The following CERKL variants were observed in gnomAD, a reference collection of about 807,000 sequenced individuals.
CERKL encodes the protein CERK like autophagy regulator, also known as ceramide kinase-like protein.
CERKL carries 61 observed loss-of-function variants against 63.4 expected under a neutral mutation model. The observed-to-expected ratio is 0.96, with a 90% CI of 0.78 to 1.19. The LOEUF is 1.19. Ranked by LOEUF, CERKL falls within the 50% of genes most tolerant of loss-of-function variation. The probability of loss-of-function intolerance (pLI) is 0.00; values close to 1 mark genes in which losing one functional copy is unlikely to be tolerated. For missense variants in CERKL, 675 were observed against 655.5 expected, an observed-to-expected ratio of 1.03 and a Z score of -0.33; for synonymous variants, 250 against 230.5, an observed-to-expected ratio of 1.08 and a Z score of -0.77.
At chr2:181,572,761 G>T (rs1688961642) in intron 3 of CERKL, among the ~76,000 whole-genome samples, 1 of 146,134 alleles carries the variant, frequency 6.8e-6, no homozygotes, top group Non-Finnish European at 1.5e-5. Context: ...CATGGGGGCT[G>T]ACCTTCCTAC....
At chr2:181,594,658 A>G (rs1685126535) in intron 2 of CERKL, among the ~76,000 whole-genome samples, 1 of 152,242 alleles carries the variant, frequency 6.6e-6, no homozygotes, top group South Asian at 2.1e-4. Context: ...TAAAAACAGA[A>G]AGTGAACTTC....
At chr2:181,590,107 C>T (rs938049771) in intron 2 of CERKL, among the ~76,000 whole-genome samples, 1 of 151,896 alleles carries the variant, frequency 6.6e-6, no homozygotes, top group Non-Finnish European at 1.5e-5. Context: ...CAGGAATGAG[C>T]CACTGCACCT....
chr2:181,538,084 A>T lies in CERKL; in HGVS notation c.*100T>A. ...CCACGGAAAAATTGTCTTCCATGAAACTGGTCCCAAAAAGGGTGGGGACCA... is the reference window on the plus strand; with the variant it reads ...CCACGGAAAAATTGTCTTCCATGAATCTGGTCCCAAAAAGGGTGGGGACCA... On this transcript the variant is annotated 3_prime_UTR_variant, in exon 13 of 13. Coordinates refer to ENST00000410087, the MANE Select transcript of CERKL (RefSeq NM_201548.5). 1.3e-6 allele frequency: 1 copy of T among 786,066 alleles called. No homozygotes were observed. Among genetic ancestry groups the T allele is most frequent in the Non-Finnish European group, 2.3e-6 (1 of 443,914 alleles). The allele number at this position is 786,066 out of a possible 1,614,324, so 48.7% of individuals were successfully genotyped here.
intron 1 of CERKL, among the ~76,000 whole-genome samples, chr2:181,629,423 G>C (rs1686854144): frequency 6.6e-6 from 1 of 152,166 alleles, no homozygotes; most frequent in African/African-American, 2.4e-5. Context: ...AGCCACCTAA[G>C]TCAATGTTCT....
At chr2:181,599,648 T>C (rs1685374379) in intron 2 of CERKL, among the ~76,000 whole-genome samples, 1 of 151,994 alleles carries the variant, frequency 6.6e-6, no homozygotes, top group African/African-American at 2.4e-5. Context: ...TTAACCCAGT[T>C]AGACAAACAT....
chr2:181,647,224 C>A (rs950097492), intron 1 of CERKL, among the ~76,000 whole-genome samples: 6 of 152,172 alleles, frequency 3.9e-5, no homozygotes, highest in African/African-American at 1.4e-4. Context: ...TGGAAAAGGT[C>A]TAGAAAGTCT....
rs749489363 is a variant in CERKL, at chr2:181,565,457, G to A, written c.677+601C>T. On this transcript the variant is annotated intron_variant, in intron 4 of 12. Transcript: ENST00000410087. ...CCTTGGTTCTAACGTTTGCATGCCAGTGAACAATCTCTGTACACTCCAATG... is the reference window on the plus strand; with the variant it reads ...CCTTGGTTCTAACGTTTGCATGCCAATGAACAATCTCTGTACACTCCAATG... 4.3e-6 allele frequency: 7 copies of A among 1,612,400 alleles called. 1 individual carries two copies. The South Asian group carries it at 6.6e-5, about 15-fold the overall frequency.
intron 1 of CERKL, among the ~76,000 whole-genome samples, chr2:181,641,736 C>A (rs1214802338): frequency 6.6e-6 from 1 of 152,088 alleles, no homozygotes; most frequent in South Asian, 2.1e-4. Context: ...TTGCTACATG[C>A]AGTTATTGAA....
Position 181,656,786 on chromosome 2 carries a change from T to C in CERKL, c.221A>G (p.Gln74Arg), listed in dbSNP as rs1165859881. ...GCACTCACCCGCCGGGCGCTCGGGC[T>C]GAATGGGCCGCCACCGCAGTGCTCG... ...SERALRWRPI[Q>R]PERPAGDSKY... Residue 74 changes from glutamine to arginine, a missense_variant, in exon 1 of 13, where the codon CAG (glutamine) becomes CGG (arginine). By Grantham distance (43) the Gln-to-Arg change is conservative. Coordinates refer to ENST00000410087, the MANE Select transcript of CERKL (RefSeq NM_201548.5). The C allele has an allele frequency of 6.3e-7, 1 of 1,597,488 alleles. No individual in the cohort carries two copies.
chr2:181,635,649 T>G (rs1687147844), intron 1 of CERKL, among the ~76,000 whole-genome samples: 1 of 152,168 alleles, frequency 6.6e-6, no homozygotes, highest in Non-Finnish European at 1.5e-5. Flanking sequence ...CCTGCACAGA[T>G]GGACACTAAA....
At chr2:181,543,983 C>CAAAAA (rs11450338) in intron 11 of CERKL, among the ~76,000 whole-genome samples, 6 of 118,190 alleles carry the variant, frequency 5.1e-5, no homozygotes, top group African/African-American at 1.3e-4. Flanking sequence ...GGCTCTAACT[C>CAAAAA]AAAAAAAAAA....
chr2:181,537,070 C>CTGAACCCAGA lies in CERKL; in HGVS notation c.*1104_*1113dup, dbSNP rs1687160035. On this transcript the variant is annotated 3_prime_UTR_variant, in exon 13 of 13. Transcript: ENST00000410087. ...TAGTGAAATGTAAGCACAAAACCTC[C>CTGAACCCAGA]TGAACCCAGAGTGTGTATACACAGG... 1 of 445,738 alleles carries CTGAACCCAGA rather than the reference C, an allele frequency of 2.2e-6. No individual in the cohort carries two copies. 27.6% of individuals were successfully genotyped at this position (445,738 alleles called of 1,614,324 possible).
chr2:181,627,417 G>GA (rs1350498904), intron 1 of CERKL, among the ~76,000 whole-genome samples: 1 of 152,230 alleles, frequency 6.6e-6, no homozygotes, highest in Non-Finnish European at 1.5e-5. Context: ...AGAGCAAGAA[G>GA]AAAAAATTAC....
Position 181,584,350 on chromosome 2 carries a change from GAAAA to G in CERKL, c.482-10470_482-10467del, listed in dbSNP as rs112462086. On this transcript the variant is annotated intron_variant, in intron 2 of 12. Transcript: ENST00000410087. ...AACACAGAGAGATATTGTCTCTACA[GAAAA>G]AAAAAAAGTTGGCTGGATACAGTGG... Among the ~76,000 whole-genome samples, 24 of 146,808 alleles carry G rather than the reference GAAAA, an allele frequency of 1.6e-4. No individual in the cohort carries two copies. The East Asian group carries it at 2.2e-3, about 13-fold the overall frequency.
At chr2:181,637,345 C>T (rs1301406699) in intron 1 of CERKL, among the ~76,000 whole-genome samples, 1 of 152,042 alleles carries the variant, frequency 6.6e-6, no homozygotes, top group African/African-American at 2.4e-5. Context: ...TTTTATTAAA[C>T]CACTATTTGC....
In CERKL at chr2:181,573,758, A is replaced by G; in HGVS notation, c.608T>C (p.Val203Ala). The G allele has an allele frequency of 4.3e-6, 7 of 1,611,830 alleles. No individual in the cohort carries two copies. In the South Asian group the frequency reaches 4.4e-5, roughly 10 times the overall value. ...ATATTCTGAAAATTACTTACTTGTTACATCAGTTTTTATTCCTGCAAGCTT... is the reference window on the plus strand; with the variant it reads ...ATATTCTGAAAATTACTTACTTGTTGCATCAGTTTTTATTCCTGCAAGCTT... ...LLKLAGIKTD[V>A]TIMEYEGHAL... The change falls in exon 3 of 13, where the codon GTA becomes GCA. Residue 203 changes from valine (V) to alanine (A), a missense_variant. Val to Ala is a moderately conservative substitution (Grantham distance 64). Coordinates refer to ENST00000410087, the MANE Select transcript of CERKL (RefSeq NM_201548.5).
intron 1 of CERKL, among the ~76,000 whole-genome samples, chr2:181,611,987 T>A (rs190154573): frequency 6.6e-4 from 101 of 152,328 alleles, no homozygotes; most frequent in African/African-American, 2.0e-3. Flanking sequence ...AAAATAAGGG[T>A]AGCTAATAAT....
In CERKL at chr2:181,547,807, T is replaced by A. The variant is rs778400039; in HGVS notation, c.1159+15A>T. 1.2e-6 allele frequency: 2 copies of A among 1,613,914 alleles called. No individual in the cohort carries two copies. Among genetic ancestry groups the A allele is most frequent in the South Asian group, 1.1e-5 (1 of 91,080 alleles). On this transcript the variant is annotated intron_variant, in intron 9 of 12. Transcript: ENST00000410087. Reference sequence around the variant, plus strand: ...GAACCTGGCACAGTTCTCAAGGAGATACTTTTCGACTCACCAGATTTGGGA... The same window carrying A: ...GAACCTGGCACAGTTCTCAAGGAGAAACTTTTCGACTCACCAGATTTGGGA...
chr2:181,589,324 G>T (rs1170318783), intron 2 of CERKL, among the ~76,000 whole-genome samples: 1 of 152,182 alleles, frequency 6.6e-6, no homozygotes, highest in African/African-American at 2.4e-5. Context: ...ATGAGTTCAA[G>T]ATTTATTGGC....
Sources: gnomAD v4.1 joint callset for allele counts (sites outside exome capture counted in the v4.1 genomes callset) on GRCh38, gnomAD v4.1.1 for gene constraint, MANE v1.5 for transcripts, NCBI Gene and HGNC (gene_info 2026-07-23, HGNC 2026-07-21) for gene names.